The following COL4A2 variants were observed in gnomAD, a reference collection of about 807,000 sequenced individuals.
COL4A2 encodes collagen type IV alpha 2 chain.
In COL4A2, 99 loss-of-function variants were observed where a neutral mutation model predicts 200.2. That is an observed-to-expected ratio of 0.49 (90% CI 0.42 to 0.58). The LOEUF (loss-of-function observed/expected upper bound fraction) is 0.58. COL4A2 is among the 20% of genes least tolerant of loss of function. The pLI is 0.00. For synonymous variants in COL4A2, 897 were observed against 900.6 expected (o/e 1.00, Z 0.07); for missense variants, 1,950 against 2,314.1 (o/e 0.84, Z 3.23).
At chr13:110,488,076 G>T (rs1250384176) in intron 34 of COL4A2, among the ~76,000 whole-genome samples, 1 of 152,170 alleles carries the variant, frequency 6.6e-6, no homozygotes, top group Non-Finnish European at 1.5e-5. Flanking sequence ...ACCCAGGCTG[G>T]AGTGCAATGG....
intron 29 of COL4A2, 174 bp from the exon 30 acceptor site, chr13:110,477,829 G>A (rs1882754918): frequency 5.8e-6 from 3 of 517,744 alleles, no homozygotes; most frequent in South Asian, 1.9e-4. Flanking sequence ...ACCGCTGGGT[G>A]ATGGTGTGCC....
At chr13:110,502,998 A>T in intron 41 of COL4A2, 123 bp from the exon 42 acceptor site, 1 of 880,422 alleles carries the variant, frequency 1.1e-6, no homozygotes, top group Non-Finnish European at 1.8e-6. Context: ...AACATAGACA[A>T]AGTCATTCCA....
At chr13:110,498,904 T>G (rs187759381) in intron 40 of COL4A2, among the ~76,000 whole-genome samples, 48 of 152,308 alleles carry the variant, frequency 3.2e-4, no homozygotes, top group African/African-American at 1.2e-3. Context: ...CCGTGCGGCA[T>G]GCTGACTTTT....
intron 3 of COL4A2, among the ~76,000 whole-genome samples, chr13:110,333,557 A>G (rs983501749): frequency 2.6e-5 from 4 of 152,086 alleles, no homozygotes; most frequent in African/African-American, 7.2e-5. Flanking sequence ...TTCTTCTCCA[A>G]ACATTTTCTA....
At chr13:110,383,265 A>G (rs1485719496) in intron 4 of COL4A2, among the ~76,000 whole-genome samples, 1 of 152,220 alleles carries the variant, frequency 6.6e-6, no homozygotes, top group Non-Finnish European at 1.5e-5. Flanking sequence ...TTTCTTGTTG[A>G]TTTGATTAGC....
chr13:110,370,948 G>A (rs1390778297), intron 4 of COL4A2, among the ~76,000 whole-genome samples: 1 of 152,228 alleles, frequency 6.6e-6, no homozygotes, highest in Non-Finnish European at 1.5e-5. Flanking sequence ...TCAGACTGAG[G>A]AAGTTAACAA....
rs544298819 is a variant in COL4A2 at position 110,355,315 on chromosome 13, C to CTG, written c.100-2150_100-2149dup. 1.0e-3 allele frequency among the ~76,000 whole-genome samples: 140 copies of CTG among 137,530 alleles called. 10 individuals carry two copies. The Middle Eastern group carries it at 0.012, about 11-fold the overall frequency. 90.2% of individuals were successfully genotyped at this position (137,530 alleles called of 152,430 possible). On this transcript the variant is annotated intron_variant, in intron 3 of 47. Coordinates refer to ENST00000360467, the MANE Select transcript of COL4A2 (RefSeq NM_001846.4). The stretch of plus-strand genomic sequence containing the variant: ...TGTGGGGAGGGCTGCAGTAGCTCAA[C>CTG]TGTGTGTGGGAGAGGGCTGCACTAG...
chr13:110,444,492 G>C (rs1881250240), intron 16 of COL4A2, among the ~76,000 whole-genome samples: 4 of 152,132 alleles, frequency 2.6e-5, no homozygotes, highest in African/African-American at 7.2e-5. Context: ...CTTTACTTTT[G>C]AGTCTTCAGC....
chr13:110,427,035 C>A (rs186469669), intron 6 of COL4A2, among the ~76,000 whole-genome samples: 1 of 152,298 alleles, frequency 6.6e-6, no homozygotes, highest in Admixed American at 6.5e-5. Flanking sequence ...CTGTGGACAT[C>A]TGAAGCAAAG....
At position 110,363,772 on chromosome 13, in the gene COL4A2, A is replaced by G. The variant is rs1334668837; in HGVS notation, c.180+6220A>G. On this transcript the variant is annotated intron_variant, in intron 4 of 47. Transcript: ENST00000360467. The stretch of plus-strand genomic sequence containing the variant: ...TTCCATGTAGATAGCCAGGATTTTA[A>G]AATAAAACTAAATCTTCCCCAAGGA... Among the ~76,000 whole-genome samples, 3 of 152,208 alleles carry G rather than the reference A, an allele frequency of 2.0e-5. 1 individual carries two copies. In the East Asian group the frequency reaches 5.8e-4, roughly 29 times the overall value.
intron 18 of COL4A2, among the ~76,000 whole-genome samples, chr13:110,447,477 T>C (rs1373695782): frequency 6.6e-6 from 1 of 152,154 alleles, no homozygotes; most frequent in Non-Finnish European, 1.5e-5. Flanking sequence ...GGCTTCCAAA[T>C]TGGCGAGATC....
At chr13:110,499,186 C>G (rs1409021189) in intron 40 of COL4A2, among the ~76,000 whole-genome samples, 1 of 152,254 alleles carries the variant, frequency 6.6e-6, no homozygotes, top group Non-Finnish European at 1.5e-5. Flanking sequence ...TGAGTTGCAT[C>G]TCATTTGTAT....
intron 45 of COL4A2, 64 bp from the exon 46 acceptor site, chr13:110,506,351 T>C: frequency 6.6e-7 from 1 of 1,512,032 alleles, no homozygotes; most frequent in Non-Finnish European, 8.9e-7. Context: ...GGCCGTCCAC[T>C]CTCTCTCTTT....
chr13:110,367,743 G>A (rs931382445), intron 4 of COL4A2, among the ~76,000 whole-genome samples: 3 of 152,226 alleles, frequency 2.0e-5, no homozygotes, highest in Non-Finnish European at 2.9e-5. Flanking sequence ...AATCCTATGA[G>A]CCTGGAGGAA....
At chr13:110,491,191 C>T (rs758968047) in intron 36 of COL4A2, 42 bp from the exon 37 acceptor site, 20 of 1,409,010 alleles carry the variant, frequency 1.4e-5, no homozygotes, top group Middle Eastern at 1.9e-4. Flanking sequence ...CCCACAGGGG[C>T]GCGGTGTCTG....
chr13:110,462,366 C>G lies in COL4A2; in HGVS notation c.1758C>G (p.Pro586=), dbSNP rs765662785. 6.2e-7 allele frequency: 1 copy of G among 1,613,500 alleles called. No individual in the cohort carries two copies. Among genetic ancestry groups the G allele is most frequent in the South Asian group, 1.1e-5 (1 of 91,078 alleles). The change falls in exon 24 of 48, where the codon CCC becomes CCG. Residue 586 remains proline, a synonymous_variant. Coordinates refer to ENST00000360467, the MANE Select transcript of COL4A2 (RefSeq NM_001846.4). ...SPGRDGLDGF[P]GLPGPPGDGI... is the part of the protein sequence containing the mutation. Reference sequence around the variant, plus strand: ...GCCGCGATGGGCTCGATGGATTCCCCGGCCTCCCAGGCCCTCCCGTGAGTA... The same window carrying G: ...GCCGCGATGGGCTCGATGGATTCCCGGGCCTCCCAGGCCCTCCCGTGAGTA...
chr13:110,402,768 C>A (rs1263543485), intron 4 of COL4A2, among the ~76,000 whole-genome samples: 1 of 152,264 alleles, frequency 6.6e-6, no homozygotes, highest in South Asian at 2.1e-4. Context: ...GTTGTTGGCC[C>A]TGCTCCTGTG....
intron 20 of COL4A2, chr13:110,456,908 G>C (rs1881762544): frequency 2.1e-6 from 1 of 477,372 alleles, no homozygotes; most frequent in Non-Finnish European, 4.1e-6. Flanking sequence ...CCGTGCGTCT[G>C]CGTGGGACCC....
intron 3 of COL4A2, among the ~76,000 whole-genome samples, chr13:110,319,242 G>A (rs559965777): frequency 2.0e-5 from 3 of 152,072 alleles, no homozygotes; most frequent in South Asian, 2.1e-4. Context: ...GCCTTGAGAC[G>A]GTTATTTCCA....
Sources: gnomAD v4.1 joint callset for allele counts (sites outside exome capture counted in the v4.1 genomes callset) on GRCh38, gnomAD v4.1.1 for gene constraint, MANE v1.5 for transcripts, NCBI Gene and HGNC (gene_info 2026-07-23, HGNC 2026-07-21) for gene names.